Variants in RBFOX1 observed in about 807,000 individuals in gnomAD.
The protein encoded by RBFOX1 is RNA binding protein fox-1 homolog 1.
A neutral mutation model predicts 57.7 loss-of-function variants in RBFOX1; 8 were observed. The observed-to-expected ratio is 0.14, with a 90% confidence interval of 0.08 to 0.25. The LOEUF (loss-of-function observed/expected upper bound fraction) is 0.25. RBFOX1 is among the 10% of genes least tolerant of loss of function. RBFOX1 has a pLI of 1.00. For synonymous variants in RBFOX1, 326 were observed against 222.4 expected, an observed-to-expected ratio of 1.47 and a Z score of -4.15; for missense variants, 611 against 548.5, an observed-to-expected ratio of 1.11 and a Z score of -1.14.
chr16:6,588,674 AC>A (rs2097666096), intron 2 of RBFOX1, among the ~76,000 whole-genome samples: 2 of 152,156 alleles, frequency 1.3e-5, no homozygotes, highest in Non-Finnish European at 2.9e-5. Context: ...TGAGAAATGC[AC>A]CTTCCTCCCT....
At chr16:5,573,948 T>C (rs916077872) in intron 2 of RBFOX1, among the ~76,000 whole-genome samples, 2 of 152,188 alleles carry the variant, frequency 1.3e-5, no homozygotes, top group African/African-American at 4.8e-5. Context: ...AATGAGACCC[T>C]GTCTCAAAAG....
At chr16:6,816,799 C>T (rs984845395) in intron 3 of RBFOX1, among the ~76,000 whole-genome samples, 100 of 151,966 alleles carry the variant, frequency 6.6e-4, no homozygotes, top group African/African-American at 2.4e-3. Context: ...GGTTGGACTG[C>T]AGTGATGCAA....
intron 2 of RBFOX1, among the ~76,000 whole-genome samples, chr16:6,473,835 T>A (rs749734502): frequency 6.6e-6 from 1 of 152,106 alleles, no homozygotes; most frequent in Non-Finnish European, 1.5e-5. Flanking sequence ...TTGTGATCGG[T>A]TAAGGTGCAC....
chr16:7,707,578 G>C (rs542575003), intron 14 of RBFOX1, among the ~76,000 whole-genome samples: 5 of 152,116 alleles, frequency 3.3e-5, no homozygotes, highest in African/African-American at 4.8e-5. Flanking sequence ...CATTCATGCC[G>C]AGCTGCTGTG....
chr16:7,551,109 A>T (rs78549196), intron 5 of RBFOX1, among the ~76,000 whole-genome samples: 1 of 150,510 alleles, frequency 6.6e-6, no homozygotes, highest in Non-Finnish European at 1.5e-5. Flanking sequence ...AAAAAAAGAA[A>T]AAAAAAGAAT....
chr16:5,344,659 C>T (rs7192693), intron 1 of RBFOX1, among the ~76,000 whole-genome samples: 19,335 of 152,106 alleles, frequency 0.13, 3,172 homozygotes, highest in African/African-American at 0.39. Flanking sequence ...GGAAACCTGG[C>T]TGGAATTCTG....
intron 4 of RBFOX1, among the ~76,000 whole-genome samples, chr16:7,309,504 G>T (rs1043969038): frequency 6.6e-6 from 1 of 152,202 alleles, no homozygotes; most frequent in African/African-American, 2.4e-5. Context: ...GCAACTGGCC[G>T]CTCCTGCCTT....
intron 3 of RBFOX1, among the ~76,000 whole-genome samples, chr16:5,709,142 C>G (rs994123166): frequency 6.6e-6 from 1 of 152,174 alleles, no homozygotes; most frequent in Non-Finnish European, 1.5e-5. Flanking sequence ...CAAAAACAGT[C>G]TTGATGAATA....
intron 4 of RBFOX1, among the ~76,000 whole-genome samples, chr16:7,357,456 C>A (rs1284616796): frequency 2.0e-5 from 3 of 152,126 alleles, no homozygotes; most frequent in Non-Finnish European, 2.9e-5. Flanking sequence ...CAGGTTTTTT[C>A]CACTTTCTTT....
intron 1 of RBFOX1, among the ~76,000 whole-genome samples, chr16:5,367,145 T>G (rs62017729): frequency 6.6e-6 from 1 of 152,242 alleles, no homozygotes; most frequent in Admixed American, 6.5e-5. Flanking sequence ...AGACAAATGA[T>G]TTTGTGTATA....
At chr16:5,973,322 A>G (rs1076382) in intron 4 of RBFOX1, among the ~76,000 whole-genome samples, 7,971 of 152,228 alleles carry the variant, frequency 0.052, 563 homozygotes, top group East Asian at 0.36. Flanking sequence ...TTAGATCTAT[A>G]TCACACATGA....
At chr16:5,533,348 T>A (rs538048948) in intron 2 of RBFOX1, among the ~76,000 whole-genome samples, 1 of 152,310 alleles carries the variant, frequency 6.6e-6, no homozygotes, top group Non-Finnish European at 1.5e-5. Flanking sequence ...AAAGGAAAGG[T>A]GCCCCCAATA....
At chr16:6,982,415 G>C (rs926270884) in intron 3 of RBFOX1, among the ~76,000 whole-genome samples, 43 of 152,140 alleles carry the variant, frequency 2.8e-4, no homozygotes, top group African/African-American at 1.0e-3. Flanking sequence ...CTCTGATCCT[G>C]GAGCATCAGT....
chr16:7,210,425 A>G (rs1459548918), intron 4 of RBFOX1, among the ~76,000 whole-genome samples: 6 of 152,080 alleles, frequency 3.9e-5, no homozygotes, highest in South Asian at 4.1e-4. Context: ...CCTTTTTCCA[A>G]TTGCACTACA....
intron 1 of RBFOX1, chr16:5,366,082 C>G (rs1459969107): frequency 8.5e-6 from 4 of 470,542 alleles, no homozygotes; most frequent in Non-Finnish European, 1.7e-5. Context: ...ATCATACCAC[C>G]AGTGCTCTTA....
At chr16:6,739,934 G>C (rs1429378128) in intron 3 of RBFOX1, among the ~76,000 whole-genome samples, 3 of 151,992 alleles carry the variant, frequency 2.0e-5, no homozygotes, top group African/African-American at 7.3e-5. Context: ...TTACACTCTG[G>C]TCACAAAACT....
rs531941549 is a variant in RBFOX1, at chr16:5,489,938, GC to G, written c.258+22687del. On this transcript the variant is annotated intron_variant, in intron 2 of 2. Coordinates refer to the RBFOX1 transcript ENST00000585867. The stretch of plus-strand genomic sequence containing the variant: ...GCGCTGAATCCAAGGATGTCTCACA[GC>G]CCAGAGCATCTGGAAGGAGGTCAGA... Among the ~76,000 whole-genome samples the G allele has an allele frequency of 2.0e-4, 31 of 152,326 alleles. No homozygotes were observed. In the East Asian group the frequency reaches 5.6e-3, roughly 28 times the overall value.
chr16:6,139,792 C>T (rs1449770116), intron 1 of RBFOX1, among the ~76,000 whole-genome samples: 2 of 152,066 alleles, frequency 1.3e-5, no homozygotes, highest in Non-Finnish European at 2.9e-5. Flanking sequence ...TCTCCTTCTC[C>T]TGTCCTGTTC....
chr16:6,746,925 C>G (rs1219463197), intron 3 of RBFOX1, among the ~76,000 whole-genome samples: 1 of 152,114 alleles, frequency 6.6e-6, no homozygotes, highest in Non-Finnish European at 1.5e-5. Context: ...TTTTGGGAGA[C>G]TTCAGCAGGT....
Sources: gnomAD v4.1 joint callset for allele counts (sites outside exome capture counted in the v4.1 genomes callset) on GRCh38, gnomAD v4.1.1 for gene constraint, MANE v1.5 for transcripts, NCBI Gene and HGNC (gene_info 2026-07-23, HGNC 2026-07-21) for gene names.